ARMC2: variants seen among roughly 807,000 people sequenced by gnomAD.
The protein encoded by ARMC2 is armadillo repeat-containing protein 2.
Under a neutral mutation model 90.3 loss-of-function variants are expected in ARMC2, and 67 were observed. That is an observed-to-expected ratio of 0.74 (90% CI 0.61 to 0.91). The LOEUF (loss-of-function observed/expected upper bound fraction) is 0.91, where lower values mean the gene tolerates loss of function less well. Ranked by LOEUF, ARMC2 falls within the 40% of genes least tolerant of loss-of-function variation. The pLI, the probability that ARMC2 is intolerant of heterozygous loss-of-function variation, is 0.00. For missense variants in ARMC2, 920 were observed against 1,030.9 expected, an observed-to-expected ratio of 0.89 and a Z score of 1.47; for synonymous variants, 393 against 393.0, an observed-to-expected ratio of 1.00 and a Z score of 0.00.
chr6:108,945,249 G>A lies in ARMC2; in HGVS notation c.1597-7784G>A, dbSNP rs918410079. On this transcript the variant is annotated intron_variant, in intron 12 of 17. Transcript: ENST00000392644. ...GCCTGCCTCAGGAGGCGCCTCTGAC[G>A]TCAGTGTTGCTACATTTAGCATCTC... 7.9e-5 allele frequency among the ~76,000 whole-genome samples: 12 copies of A among 152,112 alleles called. 1 individual carries two copies. The highest frequency in any genetic ancestry group is 5.2e-4 in the Admixed American group (8 of 15,260).
chr6:108,886,941 C>T (rs1001368987), intron 5 of ARMC2, among the ~76,000 whole-genome samples: 2 of 150,762 alleles, frequency 1.3e-5, no homozygotes, highest in African/African-American at 4.9e-5. Flanking sequence ...CACTCTGTTG[C>T]CCAGGCTAGA....
chr6:108,936,223 CGTTT>C lies in ARMC2; in HGVS notation c.1497-672_1497-669del, dbSNP rs1043850591. Among the ~76,000 whole-genome samples the C allele has an allele frequency of 3.9e-4, 59 of 152,088 alleles. 1 individual carries two copies. Among genetic ancestry groups the C allele is most frequent in the African/African-American group, 2.4e-5 (1 of 41,492 alleles). ...TACTATATTAAAGCAGGTTTTTGTT[CGTTT>C]GTTTTGAATGTATAGGTTTTTTGTT... On this transcript the variant is annotated intron_variant, in intron 11 of 17. Transcript: ENST00000392644.
intron 2 of ARMC2, 21 bp from the exon 3 acceptor site, chr6:108,858,178 C>T: frequency 6.3e-7 from 1 of 1,591,950 alleles, no homozygotes; most frequent in Non-Finnish European, 8.6e-7. Context: ...AACTAACACT[C>T]TGCACCATCT....
the ARMC2 span, chr6:109,002,183 T>C: frequency 2.8e-6 from 3 of 1,070,638 alleles, no homozygotes; most frequent in Non-Finnish European, 4.3e-6. Flanking sequence ...TAAAACATGT[T>C]GTTGACCAAC....
chr6:108,942,181 G>A (rs1262433846), intron 12 of ARMC2, among the ~76,000 whole-genome samples: 1 of 152,184 alleles, frequency 6.6e-6, no homozygotes, highest in Non-Finnish European at 1.5e-5. Flanking sequence ...AAGCTCATAA[G>A]TGCTGGAAGA....
intron 11 of ARMC2, among the ~76,000 whole-genome samples, chr6:108,928,953 A>G (rs536919317): frequency 6.6e-6 from 1 of 152,326 alleles, no homozygotes; most frequent in South Asian, 2.1e-4. Flanking sequence ...ACCCCTGTAT[A>G]AGGATGTGAG....
chr6:109,032,429 C>T, the ARMC2 span, among the ~76,000 whole-genome samples: 2 of 151,982 alleles, frequency 1.3e-5, no homozygotes, highest in Non-Finnish European at 2.9e-5. Flanking sequence ...CCAGCCTGGC[C>T]AACATAGTGA....
chr6:108,983,738 C>A, the ARMC2 span, among the ~76,000 whole-genome samples: 2 of 152,170 alleles, frequency 1.3e-5, no homozygotes, highest in Non-Finnish European at 2.9e-5. Flanking sequence ...ATTGAAGATT[C>A]TAGATGAATT....
At chr6:108,957,283 G>A (rs1777662307) in intron 13 of ARMC2, among the ~76,000 whole-genome samples, 2 of 152,188 alleles carry the variant, frequency 1.3e-5, no homozygotes, top group Non-Finnish European at 2.9e-5. Context: ...CCCTTACACA[G>A]CTCGACTCCT....
At chr6:108,967,214 C>T (rs1778434218) in intron 17 of ARMC2, among the ~76,000 whole-genome samples, 1 of 152,232 alleles carries the variant, frequency 6.6e-6, no homozygotes, top group African/African-American at 2.4e-5. Context: ...AGGGCACTTT[C>T]CTATGTCACC....
At chr6:108,918,073 A>G (rs1324997138) in intron 10 of ARMC2, among the ~76,000 whole-genome samples, 2 of 152,162 alleles carry the variant, frequency 1.3e-5, no homozygotes, top group African/African-American at 4.8e-5. Context: ...AGCAGGTAAG[A>G]TCAAAAATAC....
chr6:108,867,306 G>A (rs955968901), intron 3 of ARMC2, among the ~76,000 whole-genome samples: 1 of 152,188 alleles, frequency 6.6e-6, no homozygotes, highest in African/African-American at 2.4e-5. Context: ...AGATTAGAGG[G>A]AGTTCTGGGT....
chr6:108,858,805 G>C (rs972660648), intron 3 of ARMC2, among the ~76,000 whole-genome samples: 2 of 151,884 alleles, frequency 1.3e-5, no homozygotes, highest in Non-Finnish European at 2.9e-5. Flanking sequence ...AAGCTCTTTC[G>C]ACACATCCTT....
At chr6:108,907,538 T>C (rs569112539) in intron 8 of ARMC2, 4 of 1,212,950 alleles carry the variant, frequency 3.3e-6, no homozygotes, top group African/African-American at 1.5e-5. Flanking sequence ...TCAGCAACGA[T>C]CGAGATTGTG....
rs1772437309 is a variant in ARMC2 at position 108,904,257 on chromosome 6, C to A, written c.875C>A (p.Ala292Asp). ...KEENIETVCA[A>D]CTQLHHALEE... ...GAAAACATTGAAACGGTTTGTGCTG[C>A]TTGCACACAACTTCATCATGCTTTA... The change falls in exon 8 of 18, where the codon GCT becomes GAT. Residue 292 changes from alanine to aspartate, a missense_variant. By Grantham distance (126) the Ala-to-Asp change is moderately radical. Transcript: ENST00000392644. 5.0e-6 allele frequency: 8 copies of A among 1,613,652 alleles called. No homozygotes were observed. The highest frequency in any genetic ancestry group is 6.8e-6 in the Non-Finnish European group (8 of 1,179,810).
chr6:108,926,536 C>A (rs1374254425), intron 10 of ARMC2, among the ~76,000 whole-genome samples: 1 of 152,112 alleles, frequency 6.6e-6, no homozygotes, highest in Non-Finnish European at 1.5e-5. Flanking sequence ...ACCAGCCTGG[C>A]CAACATGGCG....
At chr6:108,875,879 A>G (rs1776880525) in intron 4 of ARMC2, among the ~76,000 whole-genome samples, 1 of 152,160 alleles carries the variant, frequency 6.6e-6, no homozygotes, top group African/African-American at 2.4e-5. Context: ...ATGAGCCTGA[A>G]GTTGCGTGTT....
the ARMC2 span, among the ~76,000 whole-genome samples, chr6:109,046,817 G>A: frequency 7.4e-6 from 1 of 134,724 alleles, no homozygotes; most frequent in African/African-American, 2.7e-5. Flanking sequence ...CGGCCGCCCT[G>A]TCTGAGAAGT....
the ARMC2 span, chr6:108,992,817 A>G: frequency 6.2e-7 from 1 of 1,613,478 alleles, no homozygotes; most frequent in Non-Finnish European, 8.5e-7. Flanking sequence ...CATGCATCCC[A>G]TGTCTAGAGA....
Sources: allele counts gnomAD v4.1 joint callset (sites outside exome capture counted in the v4.1 genomes callset), GRCh38; gene constraint gnomAD v4.1.1; transcripts MANE v1.5; gene names NCBI Gene and HGNC (gene_info 2026-07-23, HGNC 2026-07-21).